Variants in SMIM13 observed in about 807,000 individuals in gnomAD.
SMIM13 encodes UPF0766 protein C6orf228.
SMIM13 carries 3 observed loss-of-function variants against 5.9 expected under a neutral mutation model. That is an observed-to-expected ratio of 0.51 (90% CI 0.23 to 1.31). The LOEUF (loss-of-function observed/expected upper bound fraction) is 1.31, where lower values mean the gene tolerates loss of function less well. Ranked by LOEUF, SMIM13 falls within the 40% of genes most tolerant of loss-of-function variation. The probability of loss-of-function intolerance (pLI) is 0.18; values close to 1 mark genes in which losing one functional copy is unlikely to be tolerated. For missense variants in SMIM13, 85 were observed against 109.9 expected (o/e 0.77, Z 1.01); for synonymous variants, 55 against 46.0 (o/e 1.19, Z -0.79).
chr6:11,134,533 T>A lies in SMIM13; in HGVS notation c.207T>A (p.Ser69=). 1 of 1,550,940 alleles carries A rather than the reference T, an allele frequency of 6.4e-7. No homozygotes were observed. Among genetic ancestry groups the A allele is most frequent in the Non-Finnish European group, 8.7e-7 (1 of 1,146,528 alleles). ...GSETEEDTSS[S]PHRIRSARQR... ...AAACTGAAGAAGACACTTCCTCCTCTCCACACAGAATCAGATCCGCTCGCC... is the reference window on the plus strand; with the variant it reads ...AAACTGAAGAAGACACTTCCTCCTCACCACACAGAATCAGATCCGCTCGCC... The change falls in exon 2 of 2, where the codon TCT becomes TCA. Residue 69 remains serine, a synonymous_variant. Coordinates refer to ENST00000416247, the MANE Select transcript of SMIM13 (RefSeq NM_001135575.2).
chr6:11,134,472 G>A lies in SMIM13; in HGVS notation c.146G>A (p.Gly49Glu). The A allele has an allele frequency of 1.9e-6, 3 of 1,551,214 alleles. No homozygotes were observed. Among genetic ancestry groups the A allele is most frequent in the Non-Finnish European group, 2.6e-6 (3 of 1,146,678 alleles). The change falls in exon 2 of 2, where the codon GGA becomes GAA. Residue 49 changes from glycine to glutamate, a missense_variant. Coordinates refer to ENST00000416247, the MANE Select transcript of SMIM13 (RefSeq NM_001135575.2). The stretch of plus-strand genomic sequence containing the variant: ...CTCCGGGAACTGGTGGGAGACACAG[G>A]ATCCCAAGAGGGAGATCATGAGCCT... ...KFLRELVGDT[G>E]SQEGDHEPSG... is the part of the protein sequence containing the mutation.
chr6:11,099,660 C>CCTA (rs1757967297), intron 1 of SMIM13, among the ~76,000 whole-genome samples: 2 of 152,272 alleles, frequency 1.3e-5, no homozygotes, highest in African/African-American at 4.8e-5. Context: ...TACCCAAGCT[C>CCTA]CTACAAATGA....
intron 1 of SMIM13, among the ~76,000 whole-genome samples, chr6:11,096,345 C>G (rs555924443): frequency 6.6e-6 from 1 of 152,286 alleles, no homozygotes; most frequent in East Asian, 1.9e-4. Flanking sequence ...GCTGATCAGA[C>G]AGGAGGCGGA....
intron 1 of SMIM13, among the ~76,000 whole-genome samples, chr6:11,124,594 A>G (rs1366545329): frequency 6.6e-6 from 1 of 152,086 alleles, no homozygotes; most frequent in Non-Finnish European, 1.5e-5. Context: ...ATTGTTCTCC[A>G]TAGTGGTGTT....
intron 1 of SMIM13, among the ~76,000 whole-genome samples, chr6:11,129,159 C>T (rs1317873868): frequency 6.6e-6 from 1 of 152,020 alleles, no homozygotes; most frequent in Non-Finnish European, 1.5e-5. Flanking sequence ...TTTATACCCA[C>T]TAATCAACCT....
intron 1 of SMIM13, among the ~76,000 whole-genome samples, chr6:11,100,021 A>T (rs2113638341): frequency 6.6e-6 from 1 of 152,176 alleles, no homozygotes; most frequent in African/African-American, 2.4e-5. Flanking sequence ...TTTTTAGCTT[A>T]CCTAGTATTA....
intron 1 of SMIM13, among the ~76,000 whole-genome samples, chr6:11,095,927 C>T (rs1000709584): frequency 5.3e-5 from 8 of 152,072 alleles, no homozygotes; most frequent in Admixed American, 3.3e-4. Context: ...TGCGAGCTAC[C>T]TGGACATGGG....
intron 1 of SMIM13, among the ~76,000 whole-genome samples, chr6:11,129,170 C>G (rs78878891): frequency 6.6e-6 from 1 of 152,066 alleles, no homozygotes; most frequent in East Asian, 1.9e-4. Context: ...TAATCAACCT[C>G]TTTTCATCCG....
At chr6:11,117,489 G>A (rs1347327113) in intron 1 of SMIM13, among the ~76,000 whole-genome samples, 6 of 151,474 alleles carry the variant, frequency 4.0e-5, no homozygotes, top group African/African-American at 1.5e-4. Context: ...TTTAATAGTT[G>A]TTTGTAAGTA....
At chr6:11,126,250 A>G (rs111935318) in intron 1 of SMIM13, among the ~76,000 whole-genome samples, 1 of 152,086 alleles carries the variant, frequency 6.6e-6, no homozygotes, top group Non-Finnish European at 1.5e-5. Context: ...GGATTTCACT[A>G]TGTTGGCCAG....
intron 1 of SMIM13, among the ~76,000 whole-genome samples, chr6:11,119,698 A>G (rs186335591): frequency 3.0e-4 from 46 of 152,146 alleles, no homozygotes; most frequent in African/African-American, 1.1e-3. Flanking sequence ...AATAACGATG[A>G]TATTTGGATC....
At chr6:11,104,127 A>G (rs1012715733) in intron 1 of SMIM13, 4 of 1,549,812 alleles carry the variant, frequency 2.6e-6, no homozygotes, top group Non-Finnish European at 3.5e-6. Flanking sequence ...GGCTTTAGCC[A>G]TGGTGTCAAT....
intron 1 of SMIM13, among the ~76,000 whole-genome samples, chr6:11,130,269 ACAACAAC>A (rs1758436708): frequency 1.6e-5 from 2 of 122,702 alleles, no homozygotes; most frequent in African/African-American, 6.2e-5. Flanking sequence ...AAAAAAAAAA[ACAACAAC>A]AACAACAACA....
intron 1 of SMIM13, among the ~76,000 whole-genome samples, chr6:11,130,930 T>C (rs963096976): frequency 3.9e-5 from 6 of 152,194 alleles, no homozygotes; most frequent in Admixed American, 3.9e-4. Context: ...ATTTTATACA[T>C]TGTAGCCACT....
chr6:11,128,843 A>G (rs1183062133), intron 1 of SMIM13, among the ~76,000 whole-genome samples: 1 of 151,618 alleles, frequency 6.6e-6, no homozygotes, highest in African/African-American at 2.4e-5. Context: ...CATAATAATC[A>G]CTGTGCTGTC....
intron 1 of SMIM13, among the ~76,000 whole-genome samples, chr6:11,131,195 T>A (rs541677418): frequency 6.6e-6 from 1 of 152,292 alleles, no homozygotes; most frequent in East Asian, 1.9e-4. Context: ...TTAATGGCAT[T>A]GAGGTATTTA....
chr6:11,130,157 A>T (rs996801561), intron 1 of SMIM13, among the ~76,000 whole-genome samples: 1 of 151,814 alleles, frequency 6.6e-6, no homozygotes, highest in African/African-American at 2.4e-5. Context: ...AACTTGTTGA[A>T]CTTTCCTCAA....
chr6:11,099,032 A>G (rs923925342), intron 1 of SMIM13, among the ~76,000 whole-genome samples: 1 of 152,148 alleles, frequency 6.6e-6, no homozygotes, highest in Non-Finnish European at 1.5e-5. Context: ...ATGTTTCTAT[A>G]ATATACTGCA....
At chr6:11,127,601 C>G (rs1315595873) in intron 1 of SMIM13, among the ~76,000 whole-genome samples, 1 of 152,212 alleles carries the variant, frequency 6.6e-6, no homozygotes, top group Admixed American at 6.5e-5. Context: ...CAAGTCCTGT[C>G]TTACACGGAT....
Sources: allele counts gnomAD v4.1 joint callset (sites outside exome capture counted in the v4.1 genomes callset), GRCh38; gene constraint gnomAD v4.1.1; transcripts MANE v1.5; gene names NCBI Gene and HGNC (gene_info 2026-07-23, HGNC 2026-07-21).